The following MAML1 variants were observed in gnomAD, a reference collection of about 807,000 sequenced individuals.
The protein encoded by MAML1 is mastermind-like protein 1.
A neutral mutation model predicts 77.1 loss-of-function variants in MAML1; 14 were observed. That is an observed-to-expected ratio of 0.18 (90% CI 0.12 to 0.28). MAML1 has a LOEUF of 0.28. Ranked by LOEUF, MAML1 falls within the 10% of genes least tolerant of loss-of-function variation. The probability of loss-of-function intolerance (pLI) is 1.00; values close to 1 mark genes in which losing one functional copy is unlikely to be tolerated. For missense variants in MAML1, 1,217 were observed against 1,327.8 expected (o/e 0.92, Z 1.30); for synonymous variants, 516 against 551.9 (o/e 0.93, Z 0.91).
chr5:179,766,727 G>C lies in MAML1; in HGVS notation c.1717G>C (p.Val573Leu). ...AGGAAATATGCCTTTCCGATCACTGGTTCCACCTGGCCAGGTAAGTATGAG... is the reference window on the plus strand; with the variant it reads ...AGGAAATATGCCTTTCCGATCACTGCTTCCACCTGGCCAGGTAAGTATGAG... ...KPGNMPFRSL[V>L]PPGQEQNPSS... Residue 573 changes from valine to leucine, a missense_variant, in exon 2 of 5, where the codon GTT becomes CTT. Val to Leu is a conservative substitution (Grantham distance 32, BLOSUM62 1). This residue lies in a region of MAML1 where 884 missense variants were observed against 949.3 expected (regional missense o/e 0.93). Coordinates refer to ENST00000292599, the MANE Select transcript of MAML1 (RefSeq NM_014757.5). The surrounding 1 kb of genome is among the most constrained non-coding windows in gnomAD (Gnocchi z 4.0). 1.3e-6 allele frequency: 2 copies of C among 1,551,438 alleles called. No homozygotes were observed. The highest frequency in any genetic ancestry group is 8.7e-7 in the Non-Finnish European group (1 of 1,146,062).
At chr5:179,753,488 G>T (rs1166685776) in intron 1 of MAML1, among the ~76,000 whole-genome samples, 2 of 152,066 alleles carry the variant, frequency 1.3e-5, no homozygotes, top group Non-Finnish European at 2.9e-5. Context: ...GAATAAGGGT[G>T]TCCAGCTTGG....
At chr5:179,773,859 C>T (rs1403313736) in intron 4 of MAML1, 36 bp from the exon 5 acceptor site, 7 of 1,577,086 alleles carry the variant, frequency 4.4e-6, no homozygotes, top group East Asian at 2.3e-5. Flanking sequence ...CAGTGGTGGT[C>T]GACTCCTGAC....
intron 1 of MAML1, among the ~76,000 whole-genome samples, chr5:179,749,089 C>T (rs968357361): frequency 6.6e-6 from 1 of 152,080 alleles, no homozygotes; most frequent in Admixed American, 6.6e-5. Flanking sequence ...TCTAGGCCTC[C>T]TGAGTAGCTG....
rs2113376509 is a variant in MAML1 at position 179,766,827 on chromosome 5, G to A, written c.1731+86G>A. 1.8e-6 allele frequency: 2 copies of A among 1,131,348 alleles called. No homozygotes were observed. The highest frequency in any genetic ancestry group is 2.4e-6 in the Non-Finnish European group (2 of 819,102). The allele number at this position is 1,131,348 out of a possible 1,614,324, so 70.1% of individuals were successfully genotyped here. On this transcript the variant is annotated intron_variant, in intron 2 of 4. Coordinates refer to ENST00000292599, the MANE Select transcript of MAML1 (RefSeq NM_014757.5). The surrounding 1 kb of genome is among the most constrained non-coding windows in gnomAD (Gnocchi z 4.0). The stretch of plus-strand genomic sequence containing the variant: ...TACTTTGGATGTTAATTGGATCCGA[G>A]GTAGTTGTGGGAAGAGGGAGGAGGG...
intron 1 of MAML1, among the ~76,000 whole-genome samples, chr5:179,755,097 G>A (rs1233420696): frequency 6.6e-6 from 1 of 152,206 alleles, no homozygotes; most frequent in Non-Finnish European, 1.5e-5. Context: ...AAATAGATCT[G>A]TGTCCAAATC....
At chr5:179,773,590 G>T in intron 4 of MAML1, 1 of 283,088 alleles carries the variant, frequency 3.5e-6, no homozygotes, top group Non-Finnish European at 5.3e-6. Context: ...CCACCTCAGA[G>T]TCCCCGGTGC....
intron 1 of MAML1, among the ~76,000 whole-genome samples, chr5:179,752,350 A>AAAAAAAAAAAAAAAAAT (rs1554150144): frequency 1.5e-5 from 1 of 66,722 alleles, no homozygotes; most frequent in African/African-American, 6.8e-5. Context: ...AAAAAAAAAA[A>AAAAAAAAAAAAAAAAAT]ATATATATAT....
At chr5:179,742,955 G>C (rs542134873) in intron 1 of MAML1, among the ~76,000 whole-genome samples, 17 of 152,094 alleles carry the variant, frequency 1.1e-4, no homozygotes, top group Non-Finnish European at 1.8e-4. Context: ...GGGACTTAAA[G>C]GCAAGAAGGT....
Position 179,771,185 on chromosome 5 carries a change from AC to A in MAML1, c.2014del (p.Gln672SerfsTer27). 6.2e-7 allele frequency: 1 copy of A among 1,613,764 alleles called. No individual in the cohort carries two copies. Among genetic ancestry groups the A allele is most frequent in the Non-Finnish European group, 8.5e-7 (1 of 1,179,916 alleles). ...QFQRHLTRPPPQYQDPTQGSF... is the reference protein window; with the variant it reads ...QFQRHLTRPPXQYQDPTQGSF... ...TTCAGCGCCATCTGACCCGCCCACC[AC>A]CCCAGTACCAAGACCCGACACAAGG... On this transcript the variant is annotated frameshift_variant, in exon 4 of 5. Coordinates refer to ENST00000292599, the MANE Select transcript of MAML1 (RefSeq NM_014757.5). LOFTEE classifies it high-confidence loss of function. The surrounding 1 kb of genome is among the most constrained non-coding windows in gnomAD (Gnocchi z 4.7).
chr5:179,761,274 G>A (rs1163102392), intron 1 of MAML1, among the ~76,000 whole-genome samples: 2 of 151,842 alleles, frequency 1.3e-5, no homozygotes, highest in African/African-American at 4.8e-5. Flanking sequence ...CATGCCTGTG[G>A]TCCCAGCTAC....
intron 1 of MAML1, among the ~76,000 whole-genome samples, chr5:179,736,339 G>A (rs901451381): frequency 4.0e-5 from 6 of 151,814 alleles, no homozygotes; most frequent in Admixed American, 6.6e-5. Flanking sequence ...TGCAACCTCC[G>A]CCTCCCAGGT....
In MAML1 at chr5:179,771,345, C is replaced by T. The variant is rs1755984080; in HGVS notation, c.2068+102C>T. 6.0e-6 allele frequency: 6 copies of T among 996,298 alleles called. No individual in the cohort carries two copies. Among genetic ancestry groups the T allele is most frequent in the Middle Eastern group, 2.3e-4 (1 of 4,404 alleles). The allele number at this position is 996,298 out of a possible 1,614,324, so 61.7% of individuals were successfully genotyped here. ...AGCTCTATGCCTTGACTTCATCAGG[C>T]TGCATGCATTGTCATCATATACACC... On this transcript the variant is annotated intron_variant, in intron 4 of 4. Transcript: ENST00000292599. This position sits in a 1 kb window ranked among gnomAD's most constrained non-coding sequence, Gnocchi z 4.7.
Position 179,774,201 on chromosome 5 carries a change from C to A in MAML1, c.2375C>A (p.Ser792Tyr). The change falls in exon 5 of 5, where the codon TCC (serine) becomes TAC (tyrosine). Residue 792 changes from serine (S) to tyrosine (Y), a missense_variant. Physicochemically the swap from Ser to Tyr is moderately radical, Grantham distance 144. Transcript: ENST00000292599. ...PRQTNVGQNTSVSAAYGQNSL... is the reference protein window; with the variant it reads ...PRQTNVGQNTYVSAAYGQNSL... ...CAGACCAACGTGGGCCAGAACACCTCCGTCTCAGCTGCCTATGGGCAGAAC... is the reference window on the plus strand; with the variant it reads ...CAGACCAACGTGGGCCAGAACACCTACGTCTCAGCTGCCTATGGGCAGAAC... 6.2e-7 allele frequency: 1 copy of A among 1,613,464 alleles called. No individual in the cohort carries two copies. Among genetic ancestry groups the A allele is most frequent in the Non-Finnish European group, 8.5e-7 (1 of 1,179,952 alleles).
At position 179,743,109 on chromosome 5, in the gene MAML1, A is replaced by G. The variant is rs1363727103; in HGVS notation, c.315+9682A>G. Among the ~76,000 whole-genome samples, 7 of 138,754 alleles carry G rather than the reference A, an allele frequency of 5.0e-5. No homozygotes were observed. In the South Asian group the frequency reaches 6.8e-4, roughly 13 times the overall value. 91.0% of individuals were successfully genotyped at this position (138,754 alleles called of 152,430 possible). ...CTCCTGTTGCCCAGGCTGGAGTGCA[A>G]TGGCACCATCTTGGCTCACTGCAAC... is the stretch of plus-strand genomic sequence containing the variant. On this transcript the variant is annotated intron_variant, in intron 1 of 4. Transcript: ENST00000292599.
chr5:179,745,294 GC>G (rs1478991948), intron 1 of MAML1, among the ~76,000 whole-genome samples: 1 of 152,110 alleles, frequency 6.6e-6, no homozygotes, highest in Non-Finnish European at 1.5e-5. Flanking sequence ...TCCCTTACCT[GC>G]CTTGATTTAT....
intron 1 of MAML1, 148 bp downstream of exon 1, chr5:179,733,575 C>G: frequency 6.0e-6 from 4 of 671,452 alleles, no homozygotes; most frequent in Non-Finnish European, 7.5e-6. Flanking sequence ...TGGCAGGGAG[C>G]TGAGAGGTTG....
chr5:179,740,258 G>T (rs1308379402), intron 1 of MAML1, among the ~76,000 whole-genome samples: 1 of 152,106 alleles, frequency 6.6e-6, no homozygotes, highest in Non-Finnish European at 1.5e-5. Context: ...AGCAGTAGCA[G>T]GATAGGGAGC....
At chr5:179,753,651 A>ATTTTTTTTTTTTTTTT (rs372124056) in intron 1 of MAML1, among the ~76,000 whole-genome samples, 1 of 66,382 alleles carries the variant, frequency 1.5e-5, no homozygotes, top group Non-Finnish European at 2.7e-5. Flanking sequence ...TATTATTATT[A>ATTTTTTTTTTTTTTTT]TTATTTTTTT....
intron 1 of MAML1, among the ~76,000 whole-genome samples, chr5:179,749,285 C>G (rs1197328773): frequency 6.6e-6 from 1 of 152,160 alleles, no homozygotes; most frequent in East Asian, 1.9e-4. Flanking sequence ...CGCCACCACG[C>G]CTGGATAATG....
Sources: allele counts gnomAD v4.1 joint callset (sites outside exome capture counted in the v4.1 genomes callset), GRCh38; gene constraint gnomAD v4.1.1; regional missense constraint gnomAD v4.1.1; non-coding constraint Gnocchi (gnomAD v3.1); transcripts MANE v1.5; gene names NCBI Gene and HGNC (gene_info 2026-07-23, HGNC 2026-07-21).